KLF17: variants seen among roughly 807,000 people sequenced by gnomAD.
The protein encoded by KLF17 is KLF transcription factor 17.
A neutral mutation model predicts 34.2 loss-of-function variants in KLF17; 31 were observed. That is an observed-to-expected ratio of 0.91 (90% CI 0.68 to 1.22). The LOEUF (loss-of-function observed/expected upper bound fraction) is 1.22, where lower values mean the gene tolerates loss of function less well. KLF17 is among the 50% of genes most tolerant of loss of function. The probability of loss-of-function intolerance (pLI) is 0.00; values close to 1 mark genes in which losing one functional copy is unlikely to be tolerated. For synonymous variants in KLF17, 179 were observed against 186.7 expected (o/e 0.96, Z 0.34); for missense variants, 478 against 505.2 (o/e 0.95, Z 0.52).
At chr1:44,093,534 A>G in the KLF17 span, among the ~76,000 whole-genome samples, 1 of 152,170 alleles carries the variant, frequency 6.6e-6, no homozygotes, top group Non-Finnish European at 1.5e-5. Context: ...AGCTGGAATT[A>G]CAGGCATTTG....
chr1:44,089,737 C>G, the KLF17 span, among the ~76,000 whole-genome samples: 3 of 152,178 alleles, frequency 2.0e-5, no homozygotes, highest in African/African-American at 7.2e-5. Context: ...CGCTTCATAT[C>G]CCAAGCAACC....
At chr1:44,121,605 A>C (rs2087946864) in intron 1 of KLF17, among the ~76,000 whole-genome samples, 1 of 152,190 alleles carries the variant, frequency 6.6e-6, no homozygotes, top group African/African-American at 2.4e-5. Context: ...GTTTTTCATG[A>C]TGCTAACTTT....
the KLF17 span, among the ~76,000 whole-genome samples, chr1:44,090,962 A>G: frequency 2.2e-4 from 33 of 151,422 alleles, no homozygotes; most frequent in Non-Finnish European, 4.6e-4. Context: ...GCACGCATGC[A>G]CACACACACA....
At chr1:44,054,108 T>C in the KLF17 span, among the ~76,000 whole-genome samples, 11 of 152,138 alleles carry the variant, frequency 7.2e-5, no homozygotes, top group South Asian at 1.0e-3. Flanking sequence ...TCAGGGCCGT[T>C]TTCTTGGGGC....
chr1:44,061,362 G>A, the KLF17 span: 2 of 152,160 alleles, frequency 1.3e-5, no homozygotes, highest in African/African-American at 4.8e-5. Flanking sequence ...TAATTTCTGA[G>A]GGGGGAATGA....
At chr1:44,114,465 C>T (rs1318995919), upstream of KLF17, 1 of 152,204 alleles carries the variant, frequency 6.6e-6, no homozygotes, top group Non-Finnish European at 1.5e-5. Flanking sequence ...CGGGGTGCAG[C>T]AAAGGCTTCC....
At chr1:44,091,465 G>C in the KLF17 span, among the ~76,000 whole-genome samples, 1 of 151,778 alleles carries the variant, frequency 6.6e-6, no homozygotes, top group African/African-American at 2.4e-5. Flanking sequence ...AGACCAACTT[G>C]GCCAACCTGG....
At chr1:44,123,418 A>G (rs1242686220) in intron 1 of KLF17, among the ~76,000 whole-genome samples, 1 of 152,160 alleles carries the variant, frequency 6.6e-6, no homozygotes, top group East Asian at 1.9e-4. Context: ...GCAATTTTTC[A>G]TAATATTGTA....
intron 1 of KLF17, among the ~76,000 whole-genome samples, chr1:44,123,381 T>A (rs1206556995): frequency 2.0e-5 from 3 of 152,232 alleles, no homozygotes; most frequent in African/African-American, 7.2e-5. Context: ...TTGTCCATTT[T>A]ATCCAGGTTG....
chr1:44,081,546 G>A, the KLF17 span, among the ~76,000 whole-genome samples: 2 of 151,718 alleles, frequency 1.3e-5, no homozygotes, highest in South Asian at 2.1e-4. Context: ...CTCCCAAGCA[G>A]CTGGAACTAC....
chr1:44,073,206 CTTCT>C, the KLF17 span, among the ~76,000 whole-genome samples: 39 of 109,534 alleles, frequency 3.6e-4, no homozygotes, highest in African/African-American at 1.2e-3. Context: ...TCTTCTTCTT[CTTCT>C]TTTTTTTTTT....
upstream of KLF17, among the ~76,000 whole-genome samples, chr1:44,116,498 C>T (rs2087880421): frequency 6.6e-6 from 1 of 152,134 alleles, no homozygotes; most frequent in Admixed American, 6.5e-5. Context: ...CCCTTAACTG[C>T]CACCTCATTT....
chr1:44,099,877 GAA>G, the KLF17 span, among the ~76,000 whole-genome samples: 1 of 54,696 alleles, frequency 1.8e-5, no homozygotes, highest in Non-Finnish European at 4.1e-5. Context: ...AAGAAAGAAA[GAA>G]AGAAAGAAAG....
At chr1:44,120,253 G>T (rs1276566494) in intron 1 of KLF17, among the ~76,000 whole-genome samples, 1 of 152,252 alleles carries the variant, frequency 6.6e-6, no homozygotes, top group East Asian at 1.9e-4. Context: ...CAAACAATAG[G>T]TAGCTGGAAA....
At chr1:44,058,843 C>G in the KLF17 span, among the ~76,000 whole-genome samples, 2 of 151,806 alleles carry the variant, frequency 1.3e-5, no homozygotes, top group Non-Finnish European at 2.9e-5. Flanking sequence ...CCCATATTAT[C>G]AACTTAGGCT....
At chr1:44,058,730 C>T in the KLF17 span, among the ~76,000 whole-genome samples, 384 of 121,048 alleles carry the variant, frequency 3.2e-3, 1 homozygote, top group African/African-American at 0.012. Context: ...CGCTCAGTCA[C>T]AGGCTGGAGT....
the KLF17 span, among the ~76,000 whole-genome samples, chr1:44,057,387 G>A: frequency 1.3e-5 from 2 of 152,138 alleles, no homozygotes; most frequent in African/African-American, 4.8e-5. Flanking sequence ...AGAGATCCTG[G>A]AACTTTTAGA....
chr1:44,090,921 C>T, the KLF17 span, among the ~76,000 whole-genome samples: 42 of 149,164 alleles, frequency 2.8e-4, no homozygotes, highest in African/African-American at 1.0e-3. Context: ...ACCACACACA[C>T]ACACATGCAC....
upstream of KLF17, chr1:44,114,996 A>G (rs146473091): frequency 4.7e-4 from 71 of 152,310 alleles, no homozygotes; most frequent in African/African-American, 1.6e-3. Flanking sequence ...CAAGGGTCAC[A>G]TCTCCTACCC....
Sources: gnomAD v4.1 joint callset for allele counts (sites outside exome capture counted in the v4.1 genomes callset) on GRCh38, gnomAD v4.1.1 for gene constraint, MANE v1.5 for transcripts, NCBI Gene and HGNC (gene_info 2026-07-23, HGNC 2026-07-21) for gene names.